Variants in SLC7A11 observed in about 807,000 individuals in gnomAD.
The protein encoded by SLC7A11 is solute carrier family 7 member 11.
In SLC7A11, 35 loss-of-function variants were observed where a neutral mutation model predicts 54.5. The ratio of observed to expected loss-of-function variants is 0.64; its 90% confidence interval spans 0.49 to 0.85. The LOEUF (loss-of-function observed/expected upper bound fraction) is 0.85, where lower values mean the gene tolerates loss of function less well. SLC7A11 is among the 40% of genes least tolerant of loss of function. The probability of loss-of-function intolerance (pLI) is 0.00; values close to 1 mark genes in which losing one functional copy is unlikely to be tolerated. For missense variants in SLC7A11, 583 were observed against 618.1 expected (o/e 0.94, Z 0.60); for synonymous variants, 230 against 225.2 (o/e 1.02, Z -0.19).
At chr4:138,233,021 A>T (rs1247207327) in intron 2 of SLC7A11, among the ~76,000 whole-genome samples, 1 of 152,092 alleles carries the variant, frequency 6.6e-6, no homozygotes, top group African/African-American at 2.4e-5. Context: ...TGAGACAAGA[A>T]TATGAAATAA....
Position 138,242,241 on chromosome 4 carries a change from T to C in SLC7A11, c.-172A>G. The C allele has an allele frequency of 4.3e-6, 3 of 695,816 alleles. No individual in the cohort carries two copies. Among genetic ancestry groups the C allele is most frequent in the Admixed American group, 5.7e-5 (2 of 35,000 alleles). 43.1% of individuals were successfully genotyped at this position (695,816 alleles called of 1,614,324 possible). A position where few individuals can be genotyped will look rare whatever the true frequency, so the allele number is the denominator to read the frequency against. On this transcript the variant is annotated 5_prime_UTR_variant, in exon 1 of 12. Transcript: ENST00000280612. ...AGGTGTGCTTTTTCCTTCACAGCGA[T>C]CTAATTACTACTCAGAAACACCTGT... is the stretch of plus-strand genomic sequence containing the variant.
intron 6 of SLC7A11, among the ~76,000 whole-genome samples, chr4:138,206,770 C>A (rs548690360): frequency 1.8e-4 from 27 of 151,974 alleles, no homozygotes; most frequent in Admixed American, 9.8e-4. Context: ...CAAGGTACAT[C>A]AACCACATGT....
At chr4:138,231,096 T>C (rs1259624050) in intron 3 of SLC7A11, among the ~76,000 whole-genome samples, 1 of 152,140 alleles carries the variant, frequency 6.6e-6, no homozygotes, top group Non-Finnish European at 1.5e-5. Flanking sequence ...GAAAGTCAAA[T>C]ACCATAGGTT....
chr4:138,183,700 A>G (rs1388071174), intron 7 of SLC7A11, among the ~76,000 whole-genome samples: 1 of 152,158 alleles, frequency 6.6e-6, no homozygotes, highest in East Asian at 1.9e-4. Flanking sequence ...ACCAAATTTT[A>G]TATTGAAATA....
chr4:138,234,607 G>A lies in SLC7A11; in HGVS notation c.404+1718C>T, dbSNP rs564622870. ...AGTAACATTTGATTATCCGCTACCT[G>A]GGAGCAGAAATTGTGGCTGATTTCA... On this transcript the variant is annotated intron_variant, in intron 2 of 11. Coordinates refer to ENST00000280612, the MANE Select transcript of SLC7A11 (RefSeq NM_014331.4). Among the ~76,000 whole-genome samples, 115 of 152,036 alleles carry A rather than the reference G, an allele frequency of 7.6e-4. 1 individual carries two copies. The highest frequency in any genetic ancestry group is 4.9e-4 in the Non-Finnish European group (33 of 67,976).
At chr4:138,229,998 C>T (rs895224235) in intron 3 of SLC7A11, among the ~76,000 whole-genome samples, 7 of 152,094 alleles carry the variant, frequency 4.6e-5, no homozygotes, top group African/African-American at 1.4e-4. Context: ...GTGAATATAA[C>T]AATGGCTGTT....
At chr4:138,173,844 A>G (rs889003735) in intron 11 of SLC7A11, among the ~76,000 whole-genome samples, 3 of 152,108 alleles carry the variant, frequency 2.0e-5, no homozygotes, top group African/African-American at 7.2e-5. Context: ...GGGAGCACTC[A>G]AGAGCAATTA....
At chr4:138,193,214 C>A (rs191715229) in intron 6 of SLC7A11, among the ~76,000 whole-genome samples, 8 of 152,126 alleles carry the variant, frequency 5.3e-5, no homozygotes, top group African/African-American at 1.9e-4. Context: ...AAGGCAAGTG[C>A]AACTAATATT....
At chr4:138,216,145 A>T (rs545855226) in intron 5 of SLC7A11, among the ~76,000 whole-genome samples, 19 of 152,302 alleles carry the variant, frequency 1.2e-4, no homozygotes, top group African/African-American at 3.6e-4. Flanking sequence ...GCGAATGCTC[A>T]TAAGATCTAT....
chr4:138,167,778 T>C lies in SLC7A11; in HGVS notation c.*4178A>G, dbSNP rs1384652151. 2.6e-5 allele frequency: 4 copies of C among 152,174 alleles called. No individual in the cohort carries two copies. The highest frequency in any genetic ancestry group is 9.7e-5 in the African/African-American group (4 of 41,442). The allele number at this position is 152,174 out of a possible 1,614,324, so 9.4% of individuals were successfully genotyped here. A position where few individuals can be genotyped will look rare whatever the true frequency, so the allele number is the denominator to read the frequency against. ...TTGATCAGCACTAATGTACAACATA[T>C]TATGGAGGGTAAAGTGAAGCAAGAA... On this transcript the variant is annotated 3_prime_UTR_variant, in exon 12 of 12. Transcript: ENST00000280612.
rs201882877 is a variant in SLC7A11, at chr4:138,180,715, G to C, written c.1192C>G (p.Leu398Val). 1 of 1,612,938 alleles carries C rather than the reference G, an allele frequency of 6.2e-7. No individual in the cohort carries two copies. The highest frequency in any genetic ancestry group is 2.2e-5 in the East Asian group (1 of 44,702). The change falls in exon 10 of 12, where the codon CTT (leucine) becomes GTT (valine). Residue 398 changes from leucine (L) to valine (V), a missense_variant. Coordinates refer to ENST00000280612, the MANE Select transcript of SLC7A11 (RefSeq NM_014331.4). ...LLNFLSFARW[L>V]FIGLAVAGLI... ...CCAGCAACTGCCAGCCCAATAAAAA[G>C]CCACCTGGCAAAACTGAGGAAATTC...
intron 6 of SLC7A11, among the ~76,000 whole-genome samples, chr4:138,202,488 C>T (rs577645106): frequency 1.3e-5 from 2 of 152,166 alleles, no homozygotes; most frequent in African/African-American, 4.8e-5. Context: ...ATCTCCTAAC[C>T]ATCATGGGAT....
chr4:138,209,328 G>A (rs974972707), intron 6 of SLC7A11, among the ~76,000 whole-genome samples: 1 of 151,744 alleles, frequency 6.6e-6, no homozygotes, highest in Non-Finnish European at 1.5e-5. Context: ...ATGACTGATT[G>A]GGAAACACAT....
At chr4:138,228,276 T>A (rs1279797466) in intron 3 of SLC7A11, among the ~76,000 whole-genome samples, 1 of 152,124 alleles carries the variant, frequency 6.6e-6, no homozygotes, top group Non-Finnish European at 1.5e-5. Flanking sequence ...TAGGGATGGA[T>A]CTGGGACTAG....
At chr4:138,182,493 A>G in intron 8 of SLC7A11, 100 bp from the exon 9 acceptor site, 1 of 697,724 alleles carries the variant, frequency 1.4e-6, no homozygotes, top group Non-Finnish European at 2.6e-6. Flanking sequence ...TTCATACCAA[A>G]TGGTCAGGTA....
Position 138,170,353 on chromosome 4 carries a change from G to A in SLC7A11, c.*1603C>T, listed in dbSNP as rs1736396230. ...TTTTTTGGAGATGGAGTCTGACTTTGTCACCCAGGCTGGAGTACAGTGGTG... is the reference window on the plus strand; with the variant it reads ...TTTTTTGGAGATGGAGTCTGACTTTATCACCCAGGCTGGAGTACAGTGGTG... On this transcript the variant is annotated 3_prime_UTR_variant, in exon 12 of 12. Transcript: ENST00000280612. The A allele has an allele frequency of 6.9e-6, 1 of 144,590 alleles. No individual in the cohort carries two copies. The highest frequency in any genetic ancestry group is 2.6e-5 in the African/African-American group (1 of 39,058). The allele number at this position is 144,590 out of a possible 1,614,324, so 9.0% of individuals were successfully genotyped here.
At position 138,171,630 on chromosome 4, in the gene SLC7A11, G is replaced by A. The variant is rs77750113; in HGVS notation, c.*326C>T. On this transcript the variant is annotated 3_prime_UTR_variant, in exon 12 of 12. Transcript: ENST00000280612. The stretch of plus-strand genomic sequence containing the variant: ...AAAAATCTCAGTCTTCAATTTGAAG[G>A]TTCTTTGCCGTGCTAACATATGTTG... The A allele has an allele frequency of 0.012, 2,927 of 251,578 alleles. 19 individuals are homozygous for A. Among genetic ancestry groups the A allele is most frequent in the Non-Finnish European group, 0.017 (2,231 of 134,042 alleles). The allele number at this position is 251,578 out of a possible 1,614,324, so 15.6% of individuals were successfully genotyped here.
At chr4:138,218,738 T>C (rs923004409) in intron 5 of SLC7A11, among the ~76,000 whole-genome samples, 10 of 152,188 alleles carry the variant, frequency 6.6e-5, no homozygotes, top group Non-Finnish European at 1.3e-4. Flanking sequence ...ATAGACTGTC[T>C]AGAAGAGTTG....
chr4:138,237,152 AT>A (rs1198432774), intron 1 of SLC7A11, among the ~76,000 whole-genome samples: 2 of 150,340 alleles, frequency 1.3e-5, no homozygotes, highest in Non-Finnish European at 3.0e-5. Context: ...CGCCTGGCTA[AT>A]TTTTTTTGTA....
Sources: allele counts gnomAD v4.1 joint callset (sites outside exome capture counted in the v4.1 genomes callset), GRCh38; gene constraint gnomAD v4.1.1; transcripts MANE v1.5; gene names NCBI Gene and HGNC (gene_info 2026-07-23, HGNC 2026-07-21).